EIF3CL: variants seen among roughly 807,000 people sequenced by gnomAD.
The protein encoded by EIF3CL is eukaryotic translation initiation factor 3 subunit C-like protein.
For synonymous variants in EIF3CL, 2 were observed against 19.6 expected (o/e 0.10, Z 2.37); for missense variants, 5 against 56.1 (o/e 0.09, Z 2.91).
intron 8 of EIF3CL, among the ~76,000 whole-genome samples, chr16:28,392,635 C>A (rs1325846281): frequency 8.2e-5 from 10 of 122,456 alleles, no homozygotes; most frequent in Admixed American, 5.2e-4. Flanking sequence ...CAAAAAAAAA[C>A]CAACCTGTCA....
At chr16:28,417,152 GC>G in the EIF3CL span, among the ~76,000 whole-genome samples, 9 of 128,188 alleles carry the variant, frequency 7.0e-5, no homozygotes, top group Admixed American at 7.8e-5. Flanking sequence ...TGGGGGGTCA[GC>G]CCCCCGCCCG....
At chr16:28,402,959 T>C (rs1447976021) in intron 2 of EIF3CL, among the ~76,000 whole-genome samples, 1 of 69,722 alleles carries the variant, frequency 1.4e-5, no homozygotes, top group African/African-American at 4.8e-5. Flanking sequence ...CAGTGAGCTA[T>C]GACCCCTCAA....
At chr16:28,424,154 A>AT in the EIF3CL span, among the ~76,000 whole-genome samples, 1 of 138,640 alleles carries the variant, frequency 7.2e-6, no homozygotes, top group Non-Finnish European at 1.6e-5. Context: ...CACCCAGCTA[A>AT]TTTTTTTGTA....
chr16:28,419,142 G>C, the EIF3CL span, among the ~76,000 whole-genome samples: 7 of 148,330 alleles, frequency 4.7e-5, no homozygotes, highest in African/African-American at 1.8e-4. Context: ...GAGTAGCTAG[G>C]ACTACAGGTG....
chr16:28,386,282 T>C, intron 15 of EIF3CL, among the ~76,000 whole-genome samples: 1 of 51,266 alleles, frequency 2.0e-5, no homozygotes, highest in African/African-American at 7.3e-5. Flanking sequence ...CTCCTACAAC[T>C]CAATAAAGTG....
chr16:28,417,625 C>T, the EIF3CL span, among the ~76,000 whole-genome samples: 1 of 98,864 alleles, frequency 1.0e-5, no homozygotes, highest in African/African-American at 3.6e-5. Context: ...GCAGCATGCT[C>T]GTTAAGAGTC....
the EIF3CL span, among the ~76,000 whole-genome samples, chr16:28,417,957 C>G: frequency 1.5e-5 from 2 of 137,598 alleles, no homozygotes; most frequent in African/African-American, 5.2e-5. Flanking sequence ...GCAGCAGTAT[C>G]TCTTGAACCA....
the EIF3CL span, chr16:28,414,375 G>A: frequency 7.6e-5 from 24 of 315,656 alleles, 3 homozygotes; most frequent in Admixed American, 1.4e-4. Flanking sequence ...CAGCCTGGGC[G>A]ACAGAGCAAG....
At chr16:28,419,157 C>T in the EIF3CL span, among the ~76,000 whole-genome samples, 1 of 149,526 alleles carries the variant, frequency 6.7e-6, no homozygotes, top group Non-Finnish European at 1.5e-5. Flanking sequence ...CAGGTGCCCG[C>T]CATCACGCCT....
chr16:28,419,260 C>T, the EIF3CL span, among the ~76,000 whole-genome samples: 1 of 150,910 alleles, frequency 6.6e-6, no homozygotes, highest in African/African-American at 2.5e-5. Flanking sequence ...CCTGCCTTGG[C>T]CTCCCAAAGT....
the EIF3CL span, among the ~76,000 whole-genome samples, chr16:28,418,621 C>T: frequency 7.4e-6 from 1 of 134,778 alleles, no homozygotes; most frequent in Non-Finnish European, 1.7e-5. Flanking sequence ...ATATGCTAAA[C>T]GCCTGCCCAT....
the EIF3CL span, among the ~76,000 whole-genome samples, chr16:28,413,225 AGCACTTTGGGAG>A: frequency 3.6e-5 from 1 of 27,406 alleles, no homozygotes; most frequent in East Asian, 1.6e-3. Context: ...CTGTAATCCC[AGCACTTTGGGAG>A]GCTGAGGCGG....
At chr16:28,425,040 CTTTTT>C in the EIF3CL span, among the ~76,000 whole-genome samples, 2 of 3,044 alleles carry the variant, frequency 6.6e-4, no homozygotes, top group African/African-American at 9.6e-4. Flanking sequence ...GTTCTTGGAA[CTTTTT>C]TTTTTTTTTT....
At chr16:28,419,291 C>A in the EIF3CL span, among the ~76,000 whole-genome samples, 1 of 150,814 alleles carries the variant, frequency 6.6e-6, no homozygotes, top group African/African-American at 2.5e-5. Context: ...CAGGTGTAAG[C>A]CAGTGCGCCC....
the EIF3CL span, among the ~76,000 whole-genome samples, chr16:28,416,683 C>T: frequency 9.8e-5 from 11 of 112,100 alleles, 1 homozygote; most frequent in Non-Finnish European, 1.6e-4. Context: ...GGAGCGTCTC[C>T]GCCCGGCAGC....
At chr16:28,387,614 G>A (rs1307471591) in intron 15 of EIF3CL, among the ~76,000 whole-genome samples, 3 of 150,372 alleles carry the variant, frequency 2.0e-5, no homozygotes, top group Admixed American at 6.7e-5. Context: ...ACAGTGATAT[G>A]TTCATACCAT....
the EIF3CL span, chr16:28,414,684 CCTGTGTGGGGCTGCGCCAAG>C: frequency 1.2e-5 from 4 of 344,820 alleles, no homozygotes; most frequent in African/African-American, 9.4e-5. Flanking sequence ...CTCCACGGAG[CCTGTGTGGGGCTGCGCCAAG>C]CTGCGCGTCT....
At chr16:28,402,479 G>A (rs2045661735) in intron 2 of EIF3CL, among the ~76,000 whole-genome samples, 1 of 114,988 alleles carries the variant, frequency 8.7e-6, no homozygotes, top group Non-Finnish European at 1.9e-5. Flanking sequence ...TAGTAGAGAC[G>A]GGGTTTCACC....
At chr16:28,415,810 C>CCCTCTT in the EIF3CL span, among the ~76,000 whole-genome samples, 3 of 76,468 alleles carry the variant, frequency 3.9e-5, no homozygotes, top group Non-Finnish European at 1.0e-4. Context: ...CTCTCCCTCT[C>CCCTCTT]CCTCTTCCTC....
Sources: allele counts gnomAD v4.1 joint callset (sites outside exome capture counted in the v4.1 genomes callset), GRCh38; gene constraint gnomAD v4.1.1; transcripts MANE v1.5; gene names NCBI Gene and HGNC (gene_info 2026-07-23, HGNC 2026-07-21).